LMNTD1: variants seen among roughly 807,000 people sequenced by gnomAD.
LMNTD1 encodes lamin tail domain containing 1.
A neutral mutation model predicts 50.9 loss-of-function variants in LMNTD1; 35 were observed. The observed-to-expected ratio is 0.69, with a 90% CI of 0.53 to 0.91. The LOEUF is 0.91. Ranked by LOEUF, LMNTD1 falls within the 40% of genes least tolerant of loss-of-function variation. The pLI is 0.00. For synonymous variants in LMNTD1, 153 were observed against 161.9 expected, an observed-to-expected ratio of 0.94 and a Z score of 0.42; for missense variants, 470 against 475.5, an observed-to-expected ratio of 0.99 and a Z score of 0.11.
At chr12:25,609,548 G>C (rs1946196567) in intron 1 of LMNTD1, among the ~76,000 whole-genome samples, 1 of 152,196 alleles carries the variant, frequency 6.6e-6, no homozygotes, top group Admixed American at 6.5e-5. Flanking sequence ...ATTCCTTCCT[G>C]TTTGTTAGTT....
At chr12:25,578,876 A>G (rs1046039798) in intron 1 of LMNTD1, among the ~76,000 whole-genome samples, 1 of 152,224 alleles carries the variant, frequency 6.6e-6, no homozygotes, top group Non-Finnish European at 1.5e-5. Context: ...TTTAAAATAC[A>G]TGTTGATATT....
upstream of LMNTD1, among the ~76,000 whole-genome samples, chr12:25,555,449 CTT>C (rs1266812305): frequency 3.3e-5 from 5 of 152,098 alleles, no homozygotes; most frequent in African/African-American, 1.2e-4. Context: ...TTAAAAGACA[CTT>C]TTTGTAATTT....
intron 1 of LMNTD1, among the ~76,000 whole-genome samples, chr12:25,627,302 T>C (rs969613376): frequency 2.0e-5 from 3 of 152,192 alleles, no homozygotes; most frequent in African/African-American, 4.8e-5. Context: ...TTCTTTCAGT[T>C]CTTTTTTCTT....
chr12:25,522,571 T>C (rs142241668), intron 6 of LMNTD1, among the ~76,000 whole-genome samples: 312 of 152,324 alleles, frequency 2.0e-3, no homozygotes, highest in Middle Eastern at 3.4e-3. Context: ...CCCATTTTTT[T>C]TCCCCAAGAT....
rs1167827972 is a variant in LMNTD1 at position 25,603,304 on chromosome 12, T to C, written c.58+45190A>G. 4.6e-5 allele frequency among the ~76,000 whole-genome samples: 7 copies of C among 152,172 alleles called. No homozygotes were observed. In the South Asian group the frequency reaches 1.5e-3, roughly 32 times the overall value. ...TTGAAAAATAGTTATCTACCTTTTT[T>C]AAAAGATGGGATCTCACTGTGTTGC... On this transcript the variant is annotated intron_variant, in intron 1 of 7. Transcript: ENST00000445693.
At chr12:25,507,655 C>A (rs371010632) in intron 8 of LMNTD1, among the ~76,000 whole-genome samples, 5 of 152,118 alleles carry the variant, frequency 3.3e-5, no homozygotes, top group African/African-American at 1.2e-4. Flanking sequence ...AGGGCATGAT[C>A]CAGATGTTGT....
chr12:25,614,016 A>G (rs1050062819), intron 1 of LMNTD1, among the ~76,000 whole-genome samples: 21 of 152,050 alleles, frequency 1.4e-4, no homozygotes, highest in East Asian at 1.9e-4. Context: ...ACAAAGGAAG[A>G]GAGTGGTTTC....
chr12:25,639,884 A>G (rs989631277), intron 1 of LMNTD1, among the ~76,000 whole-genome samples: 2 of 152,248 alleles, frequency 1.3e-5, no homozygotes, highest in African/African-American at 4.8e-5. Context: ...AATAGCCAAA[A>G]AATGGAAACA....
intron 1 of LMNTD1, among the ~76,000 whole-genome samples, chr12:25,611,800 G>C (rs999895806): frequency 2.0e-5 from 3 of 152,186 alleles, no homozygotes; most frequent in Admixed American, 6.5e-5. Context: ...GAGAGCAATA[G>C]CAATGCATTC....
At chr12:25,627,379 C>T (rs1318843444) in intron 1 of LMNTD1, among the ~76,000 whole-genome samples, 3 of 152,184 alleles carry the variant, frequency 2.0e-5, no homozygotes, top group Admixed American at 1.3e-4. Flanking sequence ...TTCCAACTTT[C>T]ATGATGACTT....
chr12:25,489,260 C>T (rs1938791424), intron 9 of LMNTD1, among the ~76,000 whole-genome samples: 2 of 150,700 alleles, frequency 1.3e-5, no homozygotes, highest in Non-Finnish European at 3.0e-5. Context: ...TCTCAGACTG[C>T]TGTGCTAGCA....
chr12:25,489,303 G>C (rs1256674720), intron 9 of LMNTD1, among the ~76,000 whole-genome samples: 4 of 150,454 alleles, frequency 2.7e-5, no homozygotes, highest in Non-Finnish European at 5.9e-5. Context: ...AGGACCCTCC[G>C]AGCCAGGTGT....
At chr12:25,617,001 C>T (rs1439343044) in intron 1 of LMNTD1, among the ~76,000 whole-genome samples, 1 of 152,014 alleles carries the variant, frequency 6.6e-6, no homozygotes. Flanking sequence ...AATTATACCT[C>T]AATATAATTT....
chr12:25,541,282 C>T (rs1240283355), intron 4 of LMNTD1, among the ~76,000 whole-genome samples: 1 of 110,872 alleles, frequency 9.0e-6, no homozygotes, highest in Admixed American at 1.1e-4. Context: ...AATCCTAAGC[C>T]AAAAGAACAA....
chr12:25,522,591 T>C (rs1941401002), intron 6 of LMNTD1, among the ~76,000 whole-genome samples: 1 of 152,192 alleles, frequency 6.6e-6, no homozygotes, highest in Admixed American at 6.5e-5. Context: ...TACTGAAACA[T>C]TACTGAGAAT....
intron 1 of LMNTD1, among the ~76,000 whole-genome samples, chr12:25,602,959 T>G (rs767832546): frequency 1.3e-5 from 2 of 152,072 alleles, no homozygotes; most frequent in African/African-American, 4.8e-5. Context: ...TCTGGAGTAT[T>G]GCCAGCAATT....
intron 1 of LMNTD1, among the ~76,000 whole-genome samples, chr12:25,601,616 A>G (rs1166138609): frequency 6.6e-6 from 1 of 151,880 alleles, no homozygotes; most frequent in African/African-American, 2.4e-5. Context: ...CACAAAAATT[A>G]AAATAAAAAT....
chr12:25,624,850 C>G (rs939681819), intron 1 of LMNTD1, among the ~76,000 whole-genome samples: 6 of 152,190 alleles, frequency 3.9e-5, no homozygotes, highest in African/African-American at 1.4e-4. Flanking sequence ...TACTGTTATC[C>G]TCCCTCTAAA....
chr12:25,518,659 C>A, intron 8 of LMNTD1, 136 bp downstream of exon 8: 2 of 751,514 alleles, frequency 2.7e-6, no homozygotes, highest in East Asian at 2.5e-5. Context: ...ACAATACTTC[C>A]TTTAAGAGCC....
Sources: gnomAD v4.1 joint callset for allele counts (sites outside exome capture counted in the v4.1 genomes callset) on GRCh38, gnomAD v4.1.1 for gene constraint, MANE v1.5 for transcripts, NCBI Gene and HGNC (gene_info 2026-07-23, HGNC 2026-07-21) for gene names.